The following INPP5E variants were observed in gnomAD, a reference collection of about 807,000 sequenced individuals.
The protein encoded by INPP5E is inositol polyphosphate-5-phosphatase E.
INPP5E carries 34 observed loss-of-function variants against 50.5 expected under a neutral mutation model. The ratio of observed to expected loss-of-function variants is 0.67; its 90% CI spans 0.51 to 0.90. INPP5E has a LOEUF of 0.90. Ranked by LOEUF, INPP5E falls within the 40% of genes least tolerant of loss-of-function variation. The pLI is 0.00. For missense variants in INPP5E, 942 were observed against 905.5 expected (o/e 1.04, Z -0.52); for synonymous variants, 447 against 406.0 (o/e 1.10, Z -1.21).
chr9:136,439,181 A>G lies in INPP5E; in HGVS notation c.239T>C (p.Leu80Pro), dbSNP rs1418402713. The change falls in exon 1 of 10, where the codon CTG becomes CCG. Residue 80 changes from leucine (L) to proline (P), a missense_variant. By Grantham distance (98) the Leu-to-Pro change is moderately conservative. Transcript: ENST00000371712. ...GTCGTCCAGGGACAGGGCTCGCTCC[A>G]GTCGAGGCCTGGCGGGGGGCCGCGG... ...IAPRPPARPR[L>P]ERALSLDDKG... The G allele has an allele frequency of 6.4e-7, 1 of 1,555,448 alleles. No homozygotes were observed. Among genetic ancestry groups the G allele is most frequent in the Admixed American group, 1.9e-5 (1 of 53,526 alleles).
In INPP5E at chr9:136,439,163, A is replaced by G; in HGVS notation, c.257T>C (p.Leu86Pro). Residue 86 changes from leucine (L) to proline (P), a missense_variant, in exon 1 of 10, where the codon CTG becomes CCG. Coordinates refer to ENST00000371712, the MANE Select transcript of INPP5E (RefSeq NM_019892.6). ...ARPRLERALS[L>P]DDKGWRRRRF... Reference sequence around the variant, plus strand: ...CCTCCTCCTCCAGCCCTTGTCGTCCAGGGACAGGGCTCGCTCCAGTCGAGG... The same window carrying G: ...CCTCCTCCTCCAGCCCTTGTCGTCCGGGGACAGGGCTCGCTCCAGTCGAGG... 1 of 1,568,746 alleles carries G rather than the reference A, an allele frequency of 6.4e-7. No homozygotes were observed. The highest frequency in any genetic ancestry group is 8.6e-7 in the Non-Finnish European group (1 of 1,162,516).
At position 136,434,474 on chromosome 9, in the gene INPP5E, C is replaced by T. The variant is rs7864967; in HGVS notation, c.936+266G>A. Among the ~76,000 whole-genome samples, 17,036 of 151,392 alleles carry T rather than the reference C, an allele frequency of 0.11. 1,168 individuals are homozygous for T. Among genetic ancestry groups the T allele is most frequent in the Admixed American group, 0.2 (3,015 of 15,240 alleles). On this transcript the variant is annotated intron_variant, in intron 2 of 9. Coordinates refer to ENST00000371712, the MANE Select transcript of INPP5E (RefSeq NM_019892.6). ...TGGCCGCCCTCCCGCTCACCTTGAG[C>T]AGGTGATTCTCGGCCAGGCCCGTTG...
chr9:136,436,659 C>G (rs1300383027), intron 1 of INPP5E: 1 of 152,290 alleles, frequency 6.6e-6, no homozygotes, highest in Non-Finnish European at 1.5e-5. Flanking sequence ...GGACCCAGCC[C>G]GTGCACACGC....
In INPP5E at chr9:136,429,581, T is replaced by A; in HGVS notation, c.*94A>T. Reference sequence around the variant, plus strand: ...GGCACGGTCGCCACAGTCCCTCGGATCCCCGAAAGGCGGCAAACTCTTTGT... The same window carrying A: ...GGCACGGTCGCCACAGTCCCTCGGAACCCCGAAAGGCGGCAAACTCTTTGT... On this transcript the variant is annotated 3_prime_UTR_variant, in exon 10 of 10. Coordinates refer to ENST00000371712, the MANE Select transcript of INPP5E (RefSeq NM_019892.6). The A allele has an allele frequency of 6.5e-7, 1 of 1,529,422 alleles. No individual in the cohort carries two copies. Among genetic ancestry groups the A allele is most frequent in the Non-Finnish European group, 9.0e-7 (1 of 1,114,698 alleles). The allele number at this position is 1,529,422 out of a possible 1,614,324, so 94.7% of individuals were successfully genotyped here.
chr9:136,430,461 C>T (rs369297478), intron 8 of INPP5E, 48 bp from the exon 9 acceptor site: 152 of 1,549,408 alleles, frequency 9.8e-5, no homozygotes, highest in Non-Finnish European at 1.2e-4. Context: ...TGTGAGGAGC[C>T]GTGGGGCGTG....
chr9:136,430,364 C>T lies in INPP5E; in HGVS notation c.1715G>A (p.Ser572Asn), dbSNP rs769104210. The T allele has an allele frequency of 1.9e-6, 3 of 1,556,158 alleles. No homozygotes were observed. The South Asian group carries it at 3.6e-5, about 18-fold the overall frequency. ...SRHKGDICPV[S>N]YSSCPGIKTS... ...CTTGATCCCGGGGCAGGAAGAGTAG[C>T]TCACAGGACAGATGTCACCCTTGTG... The change falls in exon 9 of 10, where the codon AGC becomes AAC. Residue 572 changes from serine (S) to asparagine (N), a missense_variant. Coordinates refer to ENST00000371712, the MANE Select transcript of INPP5E (RefSeq NM_019892.6).
rs1016610055 is a variant in INPP5E, at chr9:136,430,475, C to G, written c.1666-62G>C. 2.6e-6 allele frequency: 4 copies of G among 1,538,874 alleles called. No homozygotes were observed. In the African/African-American group the frequency reaches 4.1e-5, roughly 16 times the overall value. ...TTGTGAGGAGCCGTGGGGCGTGGCC[C>G]GCTCACCTCCCTGCTGTTCTCAAGC... On this transcript the variant is annotated intron_variant, in intron 8 of 9. Coordinates refer to ENST00000371712, the MANE Select transcript of INPP5E (RefSeq NM_019892.6).
intron 3 of INPP5E, 106 bp downstream of exon 3, chr9:136,433,931 C>A: frequency 1.1e-6 from 1 of 875,280 alleles, no homozygotes; most frequent in African/African-American, 1.7e-5. Flanking sequence ...AGCCCCCGGG[C>A]AGGCACTGCA....
At chr9:136,429,942 G>A in intron 9 of INPP5E, 135 bp from the exon 10 acceptor site, 1 of 721,912 alleles carries the variant, frequency 1.4e-6, no homozygotes, top group Non-Finnish European at 2.4e-6. Context: ...GGTGGGCACT[G>A]GCCCAGATTG....
intron 1 of INPP5E, chr9:136,437,736 C>G (rs1394123534): frequency 6.5e-6 from 1 of 152,758 alleles, no homozygotes; most frequent in Non-Finnish European, 1.5e-5. Context: ...CCCGCCGCGG[C>G]TGACAGACAA....
chr9:136,435,194 A>G (rs1034824667), intron 1 of INPP5E, among the ~76,000 whole-genome samples: 5 of 152,210 alleles, frequency 3.3e-5, no homozygotes, highest in Admixed American at 3.3e-4. Context: ...GGCAGTGGGC[A>G]CAGGGTGCTG....
At chr9:136,434,710 C>CAA in intron 2 of INPP5E, 30 bp downstream of exon 2, 1 of 1,168,250 alleles carries the variant, frequency 8.6e-7, no homozygotes, top group Non-Finnish European at 1.2e-6. Context: ...CCCCACCCTT[C>CAA]CCCGCCCAGC....
chr9:136,435,080 C>CCT (rs1835800980), intron 1 of INPP5E, among the ~76,000 whole-genome samples: 2 of 152,250 alleles, frequency 1.3e-5, no homozygotes, highest in Non-Finnish European at 2.9e-5. Context: ...GTTCACACCC[C>CCT]CTCCCTACCT....
chr9:136,434,146 G>A lies in INPP5E; in HGVS notation c.937-12C>T. ...CTGGGCGGGAGCTCCTGGAAGGAGG[G>A]AGCATGTGGTGGGCCGGCTCCTCCC... On this transcript the variant is annotated splice_polypyrimidine_tract_variant and intron_variant, in intron 2 of 9. Coordinates refer to ENST00000371712, the MANE Select transcript of INPP5E (RefSeq NM_019892.6). The A allele has an allele frequency of 6.3e-7, 1 of 1,594,908 alleles. No individual in the cohort carries two copies. The highest frequency in any genetic ancestry group is 8.5e-7 in the Non-Finnish European group (1 of 1,171,570).
At position 136,434,030 on chromosome 9, in the gene INPP5E, GC is replaced by G; in HGVS notation, c.1034+6del. 1 of 1,600,616 alleles carries G rather than the reference GC, an allele frequency of 6.2e-7. No homozygotes were observed. Among genetic ancestry groups the G allele is most frequent in the Non-Finnish European group, 8.5e-7 (1 of 1,174,718 alleles). On this transcript the variant is annotated splice_donor_region_variant and intron_variant, in intron 3 of 9. Transcript: ENST00000371712. ...GGCAGGCACTGCAGGGCCTGCAGCC[GC>G]CCTACCTGTCAGAACAGCCCTCCTG... is the stretch of plus-strand genomic sequence containing the variant.
intron 9 of INPP5E, 90 bp downstream of exon 9, chr9:136,430,187 G>T: frequency 6.7e-7 from 1 of 1,496,078 alleles, no homozygotes; most frequent in Non-Finnish European, 9.0e-7. Flanking sequence ...GCCCCAAGTG[G>T]AACCCCACGA....
chr9:136,439,442 C>T lies in INPP5E; in HGVS notation c.-23G>A. The T allele has an allele frequency of 7.0e-7, 1 of 1,435,340 alleles. No individual in the cohort carries two copies. Among genetic ancestry groups the T allele is most frequent in the South Asian group, 1.4e-5 (1 of 71,192 alleles). The allele number at this position is 1,435,340 out of a possible 1,614,324, so 88.9% of individuals were successfully genotyped here. A position where few individuals can be genotyped will look rare whatever the true frequency, so the allele number is the denominator to read the frequency against. ...CATGGACGGTCTCTCCCGGGGCAGG[C>T]CTCGGCGCGAGGCCGCAGGCAGCGC... On this transcript the variant is annotated 5_prime_UTR_variant, in exon 1 of 10. Transcript: ENST00000371712.
rs1835956381 is a variant in INPP5E at position 136,439,708 on chromosome 9, G to C, written c.-289C>G. 3.4e-6 allele frequency: 1 copy of C among 297,018 alleles called. No individual in the cohort carries two copies. The highest frequency in any genetic ancestry group is 5.2e-5 in the Admixed American group (1 of 19,334). The allele number at this position is 297,018 out of a possible 1,614,324, so 18.4% of individuals were successfully genotyped here. On this transcript the variant is annotated 5_prime_UTR_variant, in exon 1 of 10. Transcript: ENST00000371712. ...CGCGGGGGAGGTTCGACCCCGACGG[G>C]GACGCCGCTCGGGGAGAGGGGTGGG... is the stretch of plus-strand genomic sequence containing the variant.
At chr9:136,432,403 G>C in intron 6 of INPP5E, 76 bp downstream of exon 6, 1 of 952,220 alleles carries the variant, frequency 1.1e-6, no homozygotes, top group Non-Finnish European at 1.6e-6. Context: ...TGCCTCTTCA[G>C]AACTGCCCTA....
Sources: gnomAD v4.1 joint callset for allele counts (sites outside exome capture counted in the v4.1 genomes callset) on GRCh38, gnomAD v4.1.1 for gene constraint, MANE v1.5 for transcripts, NCBI Gene and HGNC (gene_info 2026-07-23, HGNC 2026-07-21) for gene names.